The following FAT3 variants were observed in gnomAD, a reference collection of about 807,000 sequenced individuals.
The protein encoded by FAT3 is FAT atypical cadherin 3.
Under a neutral mutation model 310.2 loss-of-function variants are expected in FAT3, and 95 were observed. That is an observed-to-expected ratio of 0.31 (90% CI 0.26 to 0.36). The LOEUF is 0.36. Ranked by LOEUF, FAT3 falls within the 10% of genes least tolerant of loss-of-function variation. The pLI is 1.00. For synonymous variants in FAT3, 2,314 were observed against 2,192.9 expected (o/e 1.06, Z -1.54); for missense variants, 5,408 against 5,715.6 (o/e 0.95, Z 1.74).
At position 92,448,063 on chromosome 11, in the gene FAT3, C is replaced by T. The variant is rs1951262540; in HGVS notation, c.3293-76571C>T. ...CACTGATGGCTCAGCCCCTTACTAG[C>T]TGTGTGGCCTCGGACAAGTCTTTAT... On this transcript the variant is annotated intron_variant, in intron 2 of 27. Coordinates refer to ENST00000525166, the MANE Select transcript of FAT3 (RefSeq NM_001367949.2). Among the ~76,000 whole-genome samples the T allele has an allele frequency of 2.0e-5, 3 of 152,132 alleles. No individual in the cohort carries two copies. In the South Asian group the frequency reaches 6.2e-4, roughly 32 times the overall value.
intron 1 of FAT3, among the ~76,000 whole-genome samples, chr11:92,279,714 G>A (rs764154792): frequency 3.3e-5 from 5 of 151,950 alleles, no homozygotes; most frequent in Admixed American, 6.6e-5. Context: ...TCTTTCTTCC[G>A]GCTACTTTGA....
chr11:92,390,457 G>A (rs934386085), intron 2 of FAT3, among the ~76,000 whole-genome samples: 3 of 152,098 alleles, frequency 2.0e-5, no homozygotes, highest in African/African-American at 7.2e-5. Context: ...AACATCTGAA[G>A]TCACTGGGGT....
intron 2 of FAT3, among the ~76,000 whole-genome samples, chr11:92,418,882 C>T (rs566715057): frequency 1.3e-5 from 2 of 152,258 alleles, no homozygotes; most frequent in South Asian, 4.1e-4. Flanking sequence ...TGCTTGCAGT[C>T]TTTCCAAAAC....
intron 4 of FAT3, among the ~76,000 whole-genome samples, chr11:92,709,095 G>A (rs1488921583): frequency 6.6e-6 from 1 of 152,180 alleles, no homozygotes; most frequent in Non-Finnish European, 1.5e-5. Flanking sequence ...CGACTAGGAT[G>A]GGACAAATAA....
chr11:92,611,510 C>T (rs1415966032), intron 3 of FAT3, among the ~76,000 whole-genome samples: 3 of 152,250 alleles, frequency 2.0e-5, no homozygotes, highest in South Asian at 2.1e-4. Flanking sequence ...CGGGTTCAAG[C>T]GATTCTTGTG....
intron 4 of FAT3, among the ~76,000 whole-genome samples, chr11:92,725,931 A>G (rs1387041601): frequency 1.3e-5 from 2 of 152,070 alleles, no homozygotes; most frequent in Non-Finnish European, 2.9e-5. Context: ...TTTAGTTTTT[A>G]AAAATTTATC....
chr11:92,395,967 A>G (rs1949860657), intron 2 of FAT3, among the ~76,000 whole-genome samples: 1 of 152,098 alleles, frequency 6.6e-6, no homozygotes. Flanking sequence ...GTACAGCAGT[A>G]TAAATTCATT....
intron 2 of FAT3, among the ~76,000 whole-genome samples, chr11:92,380,619 C>T (rs937573421): frequency 6.6e-6 from 1 of 152,146 alleles, no homozygotes; most frequent in Non-Finnish European, 1.5e-5. Flanking sequence ...AATCATTTCC[C>T]CTCACCCTCA....
intron 2 of FAT3, among the ~76,000 whole-genome samples, chr11:92,522,968 G>A (rs1953735497): frequency 6.6e-6 from 1 of 152,032 alleles, no homozygotes; most frequent in Non-Finnish European, 1.5e-5. Flanking sequence ...TTCCCCTCTT[G>A]GAAAAGAGAG....
At chr11:92,708,802 A>G (rs1301557121) in intron 4 of FAT3, among the ~76,000 whole-genome samples, 4 of 152,366 alleles carry the variant, frequency 2.6e-5, no homozygotes, top group South Asian at 2.1e-4. Flanking sequence ...TTCTGAAGAA[A>G]ATCCCAAAAG....
intron 3 of FAT3, among the ~76,000 whole-genome samples, chr11:92,679,069 G>C (rs1433485153): frequency 6.6e-6 from 1 of 152,074 alleles, no homozygotes; most frequent in Non-Finnish European, 1.5e-5. Context: ...TTCTTTGGCT[G>C]GCTTGTTTCA....
At chr11:92,479,453 G>T (rs1952156565) in intron 2 of FAT3, among the ~76,000 whole-genome samples, 1 of 152,106 alleles carries the variant, frequency 6.6e-6, no homozygotes, top group African/African-American at 2.4e-5. Context: ...GCAAGTATTT[G>T]TAAGTATTTA....
intron 21 of FAT3, among the ~76,000 whole-genome samples, chr11:92,861,118 G>C (rs1949110709): frequency 6.6e-6 from 1 of 152,216 alleles, no homozygotes; most frequent in Admixed American, 6.5e-5. Flanking sequence ...TGGGTCAGTA[G>C]ATCATTTTCT....
rs2136419595 is a variant in FAT3, at chr11:92,883,439, C to T, written c.12937+46C>T. The T allele has an allele frequency of 6.4e-7, 1 of 1,555,612 alleles. No individual in the cohort carries two copies. The highest frequency in any genetic ancestry group is 8.7e-7 in the Non-Finnish European group (1 of 1,149,290). On this transcript the variant is annotated intron_variant, in intron 24 of 27. Transcript: ENST00000525166. The surrounding 1 kb of genome is among the most constrained non-coding windows in gnomAD (Gnocchi z 4.2). ...CTCACCCCTCGGTGCTTACAGGGAACCTGCAGGGGCGCTGTGCGAGGACGC... is the reference window on the plus strand; with the variant it reads ...CTCACCCCTCGGTGCTTACAGGGAATCTGCAGGGGCGCTGTGCGAGGACGC...
In FAT3 at chr11:92,800,975, T is replaced by C. The variant is rs1278519910; in HGVS notation, c.7962T>C (p.Asp2654=). The C allele has an allele frequency of 6.2e-7, 1 of 1,613,370 alleles. No individual in the cohort carries two copies. The highest frequency in any genetic ancestry group is 8.5e-7 in the Non-Finnish European group (1 of 1,179,644). ...CAGTGGCCGACCTCCTGGAAATCGA[T>C]CCTGACAATGGCTGGATGGTCACAA... ...SVSVADLLEI[D]PDNGWMVTKG... The change falls in exon 10 of 28, where the codon GAT becomes GAC. Residue 2654 remains aspartate (D), a synonymous_variant. Coordinates refer to ENST00000525166, the MANE Select transcript of FAT3 (RefSeq NM_001367949.2).
chr11:92,696,537 T>A (rs1337495840), intron 3 of FAT3, among the ~76,000 whole-genome samples: 1 of 152,176 alleles, frequency 6.6e-6, no homozygotes, highest in African/African-American at 2.4e-5. Flanking sequence ...GTTCCTCCAT[T>A]GTCCATCAGC....
intron 3 of FAT3, among the ~76,000 whole-genome samples, chr11:92,607,916 G>A (rs973842338): frequency 2.0e-5 from 3 of 151,930 alleles, no homozygotes; most frequent in African/African-American, 7.3e-5. Context: ...GTCCCGATAA[G>A]ACTTTGAGCT....
chr11:92,310,865 C>T (rs1947279684), intron 1 of FAT3, among the ~76,000 whole-genome samples: 1 of 151,914 alleles, frequency 6.6e-6, no homozygotes, highest in African/African-American at 2.4e-5. Flanking sequence ...TCTGATGCCA[C>T]CAAGCAACTG....
chr11:92,629,209 G>A (rs11020029), intron 3 of FAT3, among the ~76,000 whole-genome samples: 4,217 of 152,238 alleles, frequency 0.028, 214 homozygotes, highest in African/African-American at 0.096. Context: ...AGTGCAACTG[G>A]AAATAAATCA....
Sources: allele counts gnomAD v4.1 joint callset (sites outside exome capture counted in the v4.1 genomes callset), GRCh38; gene constraint gnomAD v4.1.1; non-coding constraint Gnocchi (gnomAD v3.1); transcripts MANE v1.5; gene names NCBI Gene and HGNC (gene_info 2026-07-23, HGNC 2026-07-21).